EXOC2: variants seen among roughly 807,000 people sequenced by gnomAD.
The protein encoded by EXOC2 is SEC5-like 1.
Under a neutral mutation model 131.8 loss-of-function variants are expected in EXOC2, and 70 were observed. The observed-to-expected ratio is 0.53, with a 90% confidence interval of 0.44 to 0.65. EXOC2 has a LOEUF of 0.65. Among genes scored for constraint, EXOC2 ranks in the 30% least tolerant of loss-of-function variants. The probability of loss-of-function intolerance (pLI) is 0.00; values close to 1 mark genes in which losing one functional copy is unlikely to be tolerated. For synonymous variants in EXOC2, 411 were observed against 398.4 expected (o/e 1.03, Z -0.38); for missense variants, 923 against 1,108.6 (o/e 0.83, Z 2.38).
At chr6:596,989 T>C (rs1759853570) in intron 10 of EXOC2, among the ~76,000 whole-genome samples, 1 of 152,202 alleles carries the variant, frequency 6.6e-6, no homozygotes, top group African/African-American at 2.4e-5. Context: ...CTTAAATGTA[T>C]TTCTGATTAT....
rs187560933 is a variant in EXOC2, at chr6:675,453, G to A, written c.-44+17566C>T. ...GACATGCAGGAGTACATGAAGAGAC[G>A]TGTTCTCCATTCTAAAAGAAATGGG... On this transcript the variant is annotated intron_variant, in intron 1 of 27. Coordinates refer to ENST00000230449, the MANE Select transcript of EXOC2 (RefSeq NM_018303.6). Among the ~76,000 whole-genome samples, 93 of 152,336 alleles carry A rather than the reference G, an allele frequency of 6.1e-4. 1 individual carries two copies. In the East Asian group the frequency reaches 0.013, roughly 21 times the overall value.
Position 556,553 on chromosome 6 carries a change from A to G in EXOC2, c.1863T>C (p.Phe621=). 1 of 1,614,198 alleles carries G rather than the reference A, an allele frequency of 6.2e-7. No homozygotes were observed. The highest frequency in any genetic ancestry group is 8.5e-7 in the Non-Finnish European group (1 of 1,180,036). The part of the protein sequence containing the change: ...NEGLTSLPCQ[F]EQCIVCSLQS... ...GCAGAGAACACACGATGCACTGTTCAAACTGACATGGCTGAAGGGAAAACA... is the reference window on the plus strand; with the variant it reads ...GCAGAGAACACACGATGCACTGTTCGAACTGACATGGCTGAAGGGAAAACA... Residue 621 remains phenylalanine, a synonymous_variant, in exon 18 of 28, where the codon TTT becomes TTC. Transcript: ENST00000230449.
At chr6:657,954 C>G (rs11243052) in intron 1 of EXOC2, among the ~76,000 whole-genome samples, 4,087 of 152,126 alleles carry the variant, frequency 0.027, 154 homozygotes, top group African/African-American at 0.088. Context: ...TTTTGGTATT[C>G]TTTGCCCTTG....
intron 22 of EXOC2, among the ~76,000 whole-genome samples, chr6:547,827 T>A (rs551155416): frequency 6.6e-6 from 1 of 152,280 alleles, no homozygotes; most frequent in African/African-American, 2.4e-5. Flanking sequence ...CTCAAAATGA[T>A]CTGGACAAAG....
In EXOC2 at chr6:489,238, C is replaced by T. The variant is rs897345293; in HGVS notation, c.2622-200G>A. Among the ~76,000 whole-genome samples, 10 of 152,054 alleles carry T rather than the reference C, an allele frequency of 6.6e-5. No individual in the cohort carries two copies. The East Asian group carries it at 1.9e-3, about 29-fold the overall frequency. On this transcript the variant is annotated intron_variant, in intron 26 of 27. Coordinates refer to ENST00000230449, the MANE Select transcript of EXOC2 (RefSeq NM_018303.6). ...CTACCAGGTGGAGGCTTTGTAGCAACGGGGTCAGAAAAACTCAAATAGGAA... is the reference window on the plus strand; with the variant it reads ...CTACCAGGTGGAGGCTTTGTAGCAATGGGGTCAGAAAAACTCAAATAGGAA...
At chr6:577,478 C>T (rs910421902) in intron 11 of EXOC2, among the ~76,000 whole-genome samples, 5 of 152,236 alleles carry the variant, frequency 3.3e-5, no homozygotes, top group East Asian at 1.9e-4. Flanking sequence ...TCCAGAAAAC[C>T]GGCAGGATAA....
chr6:546,602 G>A (rs1447196711), intron 22 of EXOC2, among the ~76,000 whole-genome samples: 1 of 152,128 alleles, frequency 6.6e-6, no homozygotes, highest in Non-Finnish European at 1.5e-5. Context: ...CCCTCCTCTT[G>A]CTCTTCCTCA....
At chr6:641,141 A>C (rs903857696) in intron 1 of EXOC2, among the ~76,000 whole-genome samples, 2 of 152,156 alleles carry the variant, frequency 1.3e-5, no homozygotes, top group African/African-American at 4.8e-5. Flanking sequence ...AGACAGGTAA[A>C]CCAGGGAGTG....
At chr6:657,151 G>GC (rs901271133) in intron 1 of EXOC2, 1 of 412,680 alleles carries the variant, frequency 2.4e-6, no homozygotes, top group African/African-American at 2.1e-5. Flanking sequence ...GCCTCCCAAC[G>GC]CCCGTTCTCA....
chr6:603,124 C>T (rs1004606731), intron 7 of EXOC2, among the ~76,000 whole-genome samples: 7 of 152,172 alleles, frequency 4.6e-5, no homozygotes, highest in East Asian at 1.9e-4. Context: ...ATCTGCTCTC[C>T]ACTTGCTGTG....
At chr6:524,369 A>C (rs991621059) in intron 23 of EXOC2, 3 of 152,202 alleles carry the variant, frequency 2.0e-5, no homozygotes, top group Non-Finnish European at 4.4e-5. Context: ...AAATGAAATA[A>C]AATAAAAATA....
rs11334291 is a variant in EXOC2, at chr6:494,441, G to GT, written c.2559+2925dup. Among the ~76,000 whole-genome samples the GT allele has an allele frequency of 2.8e-3, 409 of 147,190 alleles. 2 individuals are homozygous for GT. Among genetic ancestry groups the GT allele is most frequent in the African/African-American group, 7.8e-3 (311 of 39,986 alleles). ...TAACTACAGTGGACTATTTGCACCC[G>GT]TTTTTTTTTTTTTATAGTTAGAATG... is the stretch of plus-strand genomic sequence containing the variant. On this transcript the variant is annotated intron_variant, in intron 25 of 27. Transcript: ENST00000230449.
intron 22 of EXOC2, among the ~76,000 whole-genome samples, chr6:533,318 C>G (rs898745266): frequency 6.6e-6 from 1 of 152,118 alleles, no homozygotes; most frequent in Non-Finnish European, 1.5e-5. Flanking sequence ...TAAAAAGGAA[C>G]CATTTAAAAT....
intron 23 of EXOC2, among the ~76,000 whole-genome samples, chr6:526,621 G>C (rs1234234039): frequency 1.3e-5 from 2 of 151,662 alleles, no homozygotes; most frequent in African/African-American, 4.8e-5. Flanking sequence ...TATATTTTTA[G>C]TAGAGATGGG....
chr6:505,463 T>TC (rs1475089711), intron 23 of EXOC2, among the ~76,000 whole-genome samples: 2 of 152,330 alleles, frequency 1.3e-5, no homozygotes, highest in East Asian at 3.9e-4. Context: ...TCTGGACTGC[T>TC]CTGACTTGTA....
chr6:578,888 C>A (rs1456947823), intron 11 of EXOC2, among the ~76,000 whole-genome samples: 1 of 152,008 alleles, frequency 6.6e-6, no homozygotes, highest in African/African-American at 2.4e-5. Flanking sequence ...GAAGTTTATA[C>A]AGTTGTCACT....
intron 23 of EXOC2, among the ~76,000 whole-genome samples, chr6:522,658 C>T (rs1765536276): frequency 6.6e-6 from 1 of 151,094 alleles, no homozygotes; most frequent in Non-Finnish European, 1.5e-5. Flanking sequence ...TCAGGCAGGT[C>T]CATGCGGACT....
At chr6:514,241 T>C (rs935937057) in intron 23 of EXOC2, among the ~76,000 whole-genome samples, 13 of 152,238 alleles carry the variant, frequency 8.5e-5, no homozygotes, top group African/African-American at 3.1e-4. Flanking sequence ...TTTTTCCACC[T>C]TGAAGGTTTA....
chr6:548,523 G>A (rs1269103009), intron 22 of EXOC2, among the ~76,000 whole-genome samples: 1 of 152,104 alleles, frequency 6.6e-6, no homozygotes, highest in Non-Finnish European at 1.5e-5. Context: ...AAACAACAAA[G>A]TGTAACATTA....
Sources: gnomAD v4.1 joint callset for allele counts (sites outside exome capture counted in the v4.1 genomes callset) on GRCh38, gnomAD v4.1.1 for gene constraint, MANE v1.5 for transcripts, NCBI Gene and HGNC (gene_info 2026-07-23, HGNC 2026-07-21) for gene names.